Variants in TNRC6A observed in about 807,000 individuals in gnomAD.
The protein encoded by TNRC6A is trinucleotide repeat containing adaptor 6A.
Under a neutral mutation model 221.2 loss-of-function variants are expected in TNRC6A, and 44 were observed. That is an observed-to-expected ratio of 0.20 (90% CI 0.16 to 0.26). The LOEUF (loss-of-function observed/expected upper bound fraction) is 0.26, where lower values mean the gene tolerates loss of function less well. Among genes scored for constraint, TNRC6A ranks in the 10% least tolerant of loss-of-function variants. The pLI is 1.00. For synonymous variants in TNRC6A, 847 were observed against 838.5 expected, an observed-to-expected ratio of 1.01 and a Z score of -0.18; for missense variants, 2,199 against 2,404.4, an observed-to-expected ratio of 0.91 and a Z score of 1.79.
chr16:24,617,172 C>CAACA (rs1464494201), intron 1 of TNRC6A, among the ~76,000 whole-genome samples: 3 of 149,954 alleles, frequency 2.0e-5, no homozygotes, highest in African/African-American at 7.4e-5. Flanking sequence ...GTTGCCCAGG[C>CAACA]TGGAGTGCAG....
Position 24,823,321 on chromosome 16 carries a change from CTG to C in TNRC6A, c.5514-108_5514-107del. On this transcript the variant is annotated intron_variant, in intron 24 of 24. Transcript: ENST00000395799. The surrounding 1 kb of genome is among the most constrained non-coding windows in gnomAD (Gnocchi z 4.3). ...AGGTTATGTGGTGTAGTCTCTCCCT[CTG>C]TGCCTTCTGTGGCTTTTCTAGCAGA... The C allele has an allele frequency of 2.2e-6, 3 of 1,341,988 alleles. No homozygotes were observed. Among genetic ancestry groups the C allele is most frequent in the Non-Finnish European group, 3.1e-6 (3 of 981,802 alleles). 83.1% of individuals were successfully genotyped at this position (1,341,988 alleles called of 1,614,324 possible).
intron 1 of TNRC6A, among the ~76,000 whole-genome samples, chr16:24,631,779 A>G (rs932122594): frequency 1.3e-5 from 2 of 151,706 alleles, no homozygotes; most frequent in African/African-American, 4.8e-5. Context: ...CTCAAAAAAA[A>G]AAAACAACAA....
At chr16:24,700,484 C>T (rs373454833) in intron 2 of TNRC6A, among the ~76,000 whole-genome samples, 14 of 152,034 alleles carry the variant, frequency 9.2e-5, no homozygotes, top group African/African-American at 3.1e-4. Flanking sequence ...TGAGCCTCCC[C>T]CCTTGACCTC....
intron 1 of TNRC6A, among the ~76,000 whole-genome samples, chr16:24,616,792 G>A (rs1270729599): frequency 2.0e-5 from 3 of 151,892 alleles, no homozygotes; most frequent in African/African-American, 7.3e-5. Context: ...AAATTAGCTG[G>A]ACATGGTAGT....
upstream of TNRC6A, among the ~76,000 whole-genome samples, chr16:24,726,698 G>C (rs989772155): frequency 6.6e-6 from 1 of 152,258 alleles, no homozygotes; most frequent in African/African-American, 2.4e-5. Flanking sequence ...GAGCTGGAGA[G>C]GAATGACGCA....
intron 2 of TNRC6A, among the ~76,000 whole-genome samples, chr16:24,709,150 G>A (rs561516916): frequency 7.9e-5 from 12 of 151,986 alleles, no homozygotes; most frequent in Admixed American, 5.2e-4. Flanking sequence ...CCAGCTACTC[G>A]GGAGGCTGAG....
Position 24,765,411 on chromosome 16 carries a change from A to G in TNRC6A, c.163+7051A>G, listed in dbSNP as rs190072940. On this transcript the variant is annotated intron_variant, in intron 4 of 24. Coordinates refer to ENST00000395799, the MANE Select transcript of TNRC6A (RefSeq NM_014494.4). ...AAGTCTAGTCACCCCATCTCCCCATAGCCTGTTTCCATCACACAGGTTGGG... is the reference window on the plus strand; with the variant it reads ...AAGTCTAGTCACCCCATCTCCCCATGGCCTGTTTCCATCACACAGGTTGGG... 2.0e-5 allele frequency among the ~76,000 whole-genome samples: 3 copies of G among 152,310 alleles called. No individual in the cohort carries two copies. The East Asian group carries it at 5.8e-4, about 29-fold the overall frequency.
chr16:24,671,279 A>C (rs2055295550), intron 2 of TNRC6A, among the ~76,000 whole-genome samples: 1 of 152,176 alleles, frequency 6.6e-6, no homozygotes, highest in Non-Finnish European at 1.5e-5. Flanking sequence ...AGGGGCTAAG[A>C]GATTCATACG....
intron 2 of TNRC6A, among the ~76,000 whole-genome samples, chr16:24,647,944 G>A (rs1451194873): frequency 6.6e-6 from 1 of 152,080 alleles, no homozygotes; most frequent in Non-Finnish European, 1.5e-5. Context: ...ACTACTCTAG[G>A]AAATTCATAT....
chr16:24,611,873 A>C (rs1900071376), intron 1 of TNRC6A, among the ~76,000 whole-genome samples: 1 of 151,970 alleles, frequency 6.6e-6, no homozygotes, highest in South Asian at 2.1e-4. Context: ...CAGGCAGATC[A>C]CCTGAGGTCA....
Position 24,789,488 on chromosome 16 carries a change from C to G in TNRC6A, c.846C>G (p.Gly282=). 2 of 1,614,144 alleles carry G rather than the reference C, an allele frequency of 1.2e-6. No homozygotes were observed. The highest frequency in any genetic ancestry group is 1.7e-6 in the Non-Finnish European group (2 of 1,180,032). The change falls in exon 6 of 25, where the codon GGC becomes GGG. Residue 282 remains glycine (G), a synonymous_variant. Transcript: ENST00000395799. ...GGAACACAGGTGGTGAAAAAGATGGCCTTCGGAATAGCACTGGACTTGGTT... is the reference window on the plus strand; with the variant it reads ...GGAACACAGGTGGTGAAAAAGATGGGCTTCGGAATAGCACTGGACTTGGTT... ...ASGNTGGEKD[G]LRNSTGLGSQ... is the part of the protein sequence containing the mutation.
At chr16:24,638,853 A>G (rs1476019707) in intron 1 of TNRC6A, among the ~76,000 whole-genome samples, 1 of 152,228 alleles carries the variant, frequency 6.6e-6, no homozygotes, top group Admixed American at 6.6e-5. Flanking sequence ...TCCTGTTTTA[A>G]AAAATCATTT....
chr16:24,659,499 G>A (rs934797661), intron 2 of TNRC6A, among the ~76,000 whole-genome samples: 2 of 152,092 alleles, frequency 1.3e-5, no homozygotes, highest in Admixed American at 1.3e-4. Context: ...ACTGGCTGCA[G>A]TGGTACAAAC....
chr16:24,823,118 C>A lies in TNRC6A; in HGVS notation c.5513+105C>A. ...CAGGGTCCTGCGTGGGTGGCTCCTG[C>A]TGGCTGCAGTAGTGCCCTGATTCCA... On this transcript the variant is annotated intron_variant, in intron 24 of 24. Transcript: ENST00000395799. This position sits in a 1 kb window ranked among gnomAD's most constrained non-coding sequence, Gnocchi z 4.3. 1.4e-6 allele frequency: 2 copies of A among 1,465,306 alleles called. No homozygotes were observed. Among genetic ancestry groups the A allele is most frequent in the Non-Finnish European group, 1.9e-6 (2 of 1,062,480 alleles). 90.8% of individuals were successfully genotyped at this position (1,465,306 alleles called of 1,614,324 possible).
chr16:24,753,204 A>G (rs2057174806), intron 3 of TNRC6A, among the ~76,000 whole-genome samples: 1 of 152,190 alleles, frequency 6.6e-6, no homozygotes, highest in South Asian at 2.1e-4. Context: ...AGCTTTTCAT[A>G]CTGTTGCCCA....
At chr16:24,795,634 C>A in intron 8 of TNRC6A, 1 of 381,456 alleles carries the variant, frequency 2.6e-6, no homozygotes, top group Non-Finnish European at 4.6e-6. Flanking sequence ...CTGCCATTTT[C>A]ATTTTTAAAA....
intron 5 of TNRC6A, among the ~76,000 whole-genome samples, chr16:24,781,141 A>G (rs72768696): frequency 1.9e-4 from 27 of 140,500 alleles, no homozygotes; most frequent in African/African-American, 6.9e-4. Context: ...TACAGCCTCA[A>G]CCTCCCAGCT....
At chr16:24,749,907 A>G (rs541278605) in intron 2 of TNRC6A, among the ~76,000 whole-genome samples, 20 of 152,330 alleles carry the variant, frequency 1.3e-4, no homozygotes, top group Admixed American at 5.2e-4. Context: ...TGGGAGGTCA[A>G]GGTGGGCAGA....
chr16:24,618,888 C>T (rs1386954070), intron 1 of TNRC6A, among the ~76,000 whole-genome samples: 1 of 152,000 alleles, frequency 6.6e-6, no homozygotes, highest in Non-Finnish European at 1.5e-5. Flanking sequence ...CCTCGGCCTC[C>T]CGAAGTGCTA....
Sources: gnomAD v4.1 joint callset for allele counts (sites outside exome capture counted in the v4.1 genomes callset) on GRCh38, gnomAD v4.1.1 for gene constraint, Gnocchi (gnomAD v3.1) non-coding constraint, MANE v1.5 for transcripts, NCBI Gene and HGNC (gene_info 2026-07-23, HGNC 2026-07-21) for gene names.